The following CNTNAP5 variants were observed in gnomAD, a reference collection of about 807,000 sequenced individuals.
The protein encoded by CNTNAP5 is contactin associated protein family member 5.
CNTNAP5 carries 72 observed loss-of-function variants against 150.2 expected under a neutral mutation model. The observed-to-expected ratio is 0.48, with a 90% CI of 0.40 to 0.58. The LOEUF is 0.58. CNTNAP5 is among the 20% of genes least tolerant of loss of function. The probability of loss-of-function intolerance (pLI) is 0.00; values close to 1 mark genes in which losing one functional copy is unlikely to be tolerated. For synonymous variants in CNTNAP5, 672 were observed against 619.8 expected, an observed-to-expected ratio of 1.08 and a Z score of -1.25; for missense variants, 1,636 against 1,626.2, an observed-to-expected ratio of 1.01 and a Z score of -0.10.
intron 19 of CNTNAP5, among the ~76,000 whole-genome samples, chr2:124,834,724 C>T (rs575197889): frequency 1.3e-5 from 2 of 152,046 alleles, no homozygotes; most frequent in East Asian, 3.9e-4. Context: ...TACCTGTCTG[C>T]AGCTGCATCC....
chr2:124,667,385 C>T (rs1470611657), intron 13 of CNTNAP5, among the ~76,000 whole-genome samples: 8 of 152,248 alleles, frequency 5.3e-5, no homozygotes, highest in Admixed American at 5.2e-4. Flanking sequence ...CCTGATATTA[C>T]TCATTTCACA....
chr2:124,089,852 A>G (rs577301956), intron 1 of CNTNAP5, among the ~76,000 whole-genome samples: 1 of 152,244 alleles, frequency 6.6e-6, no homozygotes, highest in African/African-American at 2.4e-5. Flanking sequence ...CTATTATCCT[A>G]GCTGTTCTAG....
intron 1 of CNTNAP5, among the ~76,000 whole-genome samples, chr2:124,033,005 G>A (rs1681106826): frequency 1.3e-5 from 2 of 152,178 alleles, no homozygotes; most frequent in African/African-American, 2.4e-5. Flanking sequence ...GGATAAACCA[G>A]GGATCATTAC....
intron 13 of CNTNAP5, among the ~76,000 whole-genome samples, chr2:124,654,646 G>C (rs1678402247): frequency 6.6e-6 from 1 of 152,120 alleles, no homozygotes; most frequent in African/African-American, 2.4e-5. Context: ...ACAAAGCTTG[G>C]AGGTCCGCGT....
intron 3 of CNTNAP5, among the ~76,000 whole-genome samples, chr2:124,285,513 G>T (rs1231567294): frequency 6.6e-6 from 1 of 152,048 alleles, no homozygotes; most frequent in Admixed American, 6.6e-5. Context: ...GAAAACCCTG[G>T]ATGTGGCCTG....
At chr2:124,438,227 G>A (rs1015253448) in intron 5 of CNTNAP5, among the ~76,000 whole-genome samples, 1 of 151,912 alleles carries the variant, frequency 6.6e-6, no homozygotes, top group African/African-American at 2.4e-5. Flanking sequence ...CTACTAGATG[G>A]GAAAGAGATT....
intron 3 of CNTNAP5, among the ~76,000 whole-genome samples, chr2:124,261,318 A>T (rs1573874317): frequency 6.6e-6 from 1 of 152,216 alleles, no homozygotes; most frequent in East Asian, 1.9e-4. Context: ...AACTCCCAAC[A>T]ATCTTCCCTC....
chr2:124,553,776 GAGAC>G (rs1432336777), intron 10 of CNTNAP5, among the ~76,000 whole-genome samples: 1 of 152,158 alleles, frequency 6.6e-6, no homozygotes, highest in Non-Finnish European at 1.5e-5. Context: ...TGGAGACAAA[GAGAC>G]AGACAGAGGA....
At chr2:124,293,607 A>C (rs1247577059) in intron 3 of CNTNAP5, among the ~76,000 whole-genome samples, 1 of 152,146 alleles carries the variant, frequency 6.6e-6, no homozygotes, top group Admixed American at 6.5e-5. Flanking sequence ...ATTTTCAATC[A>C]ATTATATTTT....
intron 11 of CNTNAP5, among the ~76,000 whole-genome samples, chr2:124,599,533 T>C (rs1049488903): frequency 1.2e-4 from 19 of 152,186 alleles, no homozygotes; most frequent in African/African-American, 4.3e-4. Context: ...TCTTTCTTTA[T>C]GATGTTTGTC....
chr2:124,139,796 C>T (rs900914349), intron 1 of CNTNAP5, among the ~76,000 whole-genome samples: 3 of 152,078 alleles, frequency 2.0e-5, no homozygotes, highest in African/African-American at 4.8e-5. Flanking sequence ...CCAAGATGGC[C>T]GAATAGGAAC....
At chr2:124,359,132 T>C (rs1045280986) in intron 3 of CNTNAP5, among the ~76,000 whole-genome samples, 1 of 152,186 alleles carries the variant, frequency 6.6e-6, no homozygotes, top group Admixed American at 6.5e-5. Flanking sequence ...TTTGCATTTC[T>C]GTGGGATCGG....
intron 13 of CNTNAP5, among the ~76,000 whole-genome samples, chr2:124,652,924 C>T (rs976345308): frequency 2.0e-5 from 3 of 152,230 alleles, no homozygotes; most frequent in African/African-American, 7.2e-5. Flanking sequence ...CGTGAAAGCA[C>T]TGGAAATTCA....
chr2:124,215,885 C>A (rs1042212858), intron 1 of CNTNAP5, among the ~76,000 whole-genome samples: 1 of 152,052 alleles, frequency 6.6e-6, no homozygotes, highest in South Asian at 2.1e-4. Flanking sequence ...TAATGGTTAC[C>A]TGCCTTCTGC....
chr2:124,161,350 G>A (rs112284442), intron 1 of CNTNAP5, among the ~76,000 whole-genome samples: 1,708 of 152,218 alleles, frequency 0.011, 9 homozygotes, highest in Non-Finnish European at 0.018. Context: ...GTGAGGTGAG[G>A]TGAGGGAGAT....
chr2:124,664,531 A>C (rs1678658552), intron 13 of CNTNAP5, among the ~76,000 whole-genome samples: 1 of 152,106 alleles, frequency 6.6e-6, no homozygotes, highest in Non-Finnish European at 1.5e-5. Flanking sequence ...ATAGAGTAGC[A>C]CTTCTCTCAA....
At chr2:124,769,394 T>C (rs1167759024) in intron 16 of CNTNAP5, among the ~76,000 whole-genome samples, 1 of 151,268 alleles carries the variant, frequency 6.6e-6, no homozygotes, top group Non-Finnish European at 1.5e-5. Flanking sequence ...GAAAAAAAAA[T>C]GCCCTGAAAG....
chr2:124,554,595 AT>A (rs908179703), intron 10 of CNTNAP5, among the ~76,000 whole-genome samples: 1 of 151,886 alleles, frequency 6.6e-6, no homozygotes, highest in South Asian at 2.1e-4. Context: ...TAATATTTGA[AT>A]TTTTTTGTAG....
intron 6 of CNTNAP5, among the ~76,000 whole-genome samples, chr2:124,467,860 T>C (rs1262869058): frequency 6.6e-6 from 1 of 152,212 alleles, no homozygotes; most frequent in East Asian, 1.9e-4. Flanking sequence ...CAGCCTCTGT[T>C]GCTTCTAATG....
Sources: gnomAD v4.1 joint callset for allele counts (sites outside exome capture counted in the v4.1 genomes callset) on GRCh38, gnomAD v4.1.1 for gene constraint, MANE v1.5 for transcripts, NCBI Gene and HGNC (gene_info 2026-07-23, HGNC 2026-07-21) for gene names.